Variants in SIK3 observed in about 807,000 individuals in gnomAD.
SIK3 encodes SIK family kinase 3, also known as serine/threonine-protein kinase SIK3.
SIK3 carries 28 observed loss-of-function variants against 144.2 expected under a neutral mutation model. That is an observed-to-expected ratio of 0.19 (90% CI 0.14 to 0.27). The LOEUF is 0.27. Ranked by LOEUF, SIK3 falls within the 10% of genes least tolerant of loss-of-function variation. The pLI is 1.00. For missense variants in SIK3, 1,319 were observed against 1,776.0 expected, an observed-to-expected ratio of 0.74 and a Z score of 4.62; for synonymous variants, 686 against 676.3, an observed-to-expected ratio of 1.01 and a Z score of -0.22.
At chr11:116,914,381 G>A (rs902080571) in intron 4 of SIK3, among the ~76,000 whole-genome samples, 1 of 151,940 alleles carries the variant, frequency 6.6e-6, no homozygotes, top group Admixed American at 6.6e-5. Context: ...GCTGATTTTT[G>A]TATTTTTAGT....
chr11:117,025,066 G>A lies in SIK3; in HGVS notation c.274-68002C>T, dbSNP rs557764158. On this transcript the variant is annotated intron_variant, in intron 1 of 24. Transcript: ENST00000445177. ...CTAAAGGGACACAAACTCATCCATC[G>A]GTAATAACATGCAGTAGTTTCTCAA... is the stretch of plus-strand genomic sequence containing the variant. 2.2e-3 allele frequency among the ~76,000 whole-genome samples: 327 copies of A among 152,028 alleles called. 8 individuals are homozygous for A. The South Asian group carries it at 0.039, about 18-fold the overall frequency.
intron 1 of SIK3, among the ~76,000 whole-genome samples, chr11:117,030,930 T>G (rs1952231155): frequency 6.6e-6 from 1 of 152,368 alleles, no homozygotes; most frequent in South Asian, 2.1e-4. Context: ...CTTCATGGGG[T>G]TACATGCCAT....
intron 1 of SIK3, among the ~76,000 whole-genome samples, chr11:117,077,994 A>T (rs1371926746): frequency 6.6e-6 from 1 of 152,218 alleles, no homozygotes; most frequent in Non-Finnish European, 1.5e-5. Flanking sequence ...GCTCTTTGAG[A>T]ACAGAATGGG....
At chr11:116,876,477 C>G in intron 7 of SIK3, 114 bp from the exon 8 acceptor site, 1 of 870,568 alleles carries the variant, frequency 1.1e-6, no homozygotes, top group East Asian at 2.5e-5. Context: ...TATTTTTGGC[C>G]TCAGACAAAG....
intron 14 of SIK3, 52 bp from the exon 15 acceptor site, chr11:116,868,141 C>T: frequency 6.5e-7 from 1 of 1,548,170 alleles, no homozygotes; most frequent in African/African-American, 1.4e-5. Context: ...CAGGAATATT[C>T]CTCCACAAGA....
chr11:117,052,588 A>C (rs1953309691), intron 1 of SIK3, among the ~76,000 whole-genome samples: 2 of 152,238 alleles, frequency 1.3e-5, no homozygotes, highest in Non-Finnish European at 2.9e-5. Context: ...AAAGTGGAAA[A>C]GGCAGAAACA....
At chr11:116,859,199 T>C (rs1943162538) in intron 20 of SIK3, 66 bp downstream of exon 20, 2 of 1,451,382 alleles carry the variant, frequency 1.4e-6, no homozygotes, top group Admixed American at 1.9e-5. Flanking sequence ...TCTCTCACTC[T>C]GCTAAGGGGC....
chr11:117,000,015 T>A (rs879716763), intron 1 of SIK3, among the ~76,000 whole-genome samples: 2 of 152,242 alleles, frequency 1.3e-5, no homozygotes, highest in African/African-American at 2.4e-5. Flanking sequence ...AATGTAGTTA[T>A]AATTGCCATT....
chr11:116,887,474 G>A (rs1219410808), intron 6 of SIK3, among the ~76,000 whole-genome samples: 1 of 151,918 alleles, frequency 6.6e-6, no homozygotes, highest in Non-Finnish European at 1.5e-5. Context: ...AAAATTAGCT[G>A]GGTGTGGTGG....
chr11:117,021,778 C>G (rs1346046461), intron 1 of SIK3, among the ~76,000 whole-genome samples: 1 of 151,490 alleles, frequency 6.6e-6, no homozygotes, highest in Non-Finnish European at 1.5e-5. Flanking sequence ...GGCAACGTAA[C>G]AAGACGTCAT....
intron 3 of SIK3, among the ~76,000 whole-genome samples, chr11:116,941,285 C>T (rs1246838161): frequency 2.6e-5 from 4 of 151,984 alleles, no homozygotes; most frequent in African/African-American, 7.3e-5. Flanking sequence ...GGATTACAGG[C>T]GTGAGCCACC....
At chr11:116,972,520 T>C (rs190811317) in intron 1 of SIK3, among the ~76,000 whole-genome samples, 1 of 152,180 alleles carries the variant, frequency 6.6e-6, no homozygotes, top group Non-Finnish European at 1.5e-5. Context: ...CATTTAACCT[T>C]GTACCCAATA....
At chr11:117,097,664 TC>T (rs1429127914) in intron 1 of SIK3, among the ~76,000 whole-genome samples, 1 of 152,020 alleles carries the variant, frequency 6.6e-6, no homozygotes, top group Non-Finnish European at 1.5e-5. Flanking sequence ...ACATTCCCAG[TC>T]CGTGCCCCAG....
chr11:117,003,184 G>C (rs1950917547), intron 1 of SIK3, among the ~76,000 whole-genome samples: 1 of 112,646 alleles, frequency 8.9e-6, no homozygotes. Context: ...CGAATGATAA[G>C]AAATTCACAT....
chr11:117,038,475 G>GC (rs1391913277), intron 1 of SIK3, among the ~76,000 whole-genome samples: 1 of 151,246 alleles, frequency 6.6e-6, no homozygotes, highest in Non-Finnish European at 1.5e-5. Context: ...TCCTGCCTCA[G>GC]CCTCCAGAGT....
intron 4 of SIK3, among the ~76,000 whole-genome samples, chr11:116,926,113 G>A (rs1047948517): frequency 2.6e-5 from 4 of 152,134 alleles, no homozygotes; most frequent in Admixed American, 2.6e-4. Flanking sequence ...CCTCTACTAA[G>A]GAAGAAAATC....
intron 1 of SIK3, among the ~76,000 whole-genome samples, chr11:116,976,371 A>T (rs1376669219): frequency 6.6e-6 from 1 of 152,202 alleles, no homozygotes; most frequent in Non-Finnish European, 1.5e-5. Context: ...ACTCTTAGAG[A>T]GTTTTGTGGT....
intron 6 of SIK3, among the ~76,000 whole-genome samples, chr11:116,879,303 C>T (rs1255812363): frequency 6.6e-6 from 1 of 152,196 alleles, no homozygotes; most frequent in Non-Finnish European, 1.5e-5. Flanking sequence ...TTACAAAAAA[C>T]TACTTTTGAT....
chr11:117,058,661 G>A (rs530278015), intron 1 of SIK3, among the ~76,000 whole-genome samples: 5 of 152,210 alleles, frequency 3.3e-5, no homozygotes, highest in African/African-American at 4.8e-5. Flanking sequence ...AAGGTGACAC[G>A]AACCAAAGGA....
Sources: gnomAD v4.1 joint callset for allele counts (sites outside exome capture counted in the v4.1 genomes callset) on GRCh38, gnomAD v4.1.1 for gene constraint, MANE v1.5 for transcripts, NCBI Gene and HGNC (gene_info 2026-07-23, HGNC 2026-07-21) for gene names.